The following BEND6 variants were observed in gnomAD, a reference collection of about 807,000 sequenced individuals.
BEND6 encodes BEN domain containing 6.
In BEND6, 24 loss-of-function variants were observed where a neutral mutation model predicts 31.8. That is an observed-to-expected ratio of 0.75 (90% confidence interval 0.55 to 1.06). The LOEUF is 1.06. BEND6 is among the 50% of genes least tolerant of loss of function. The pLI is 0.00. For synonymous variants in BEND6, 109 were observed against 114.6 expected (o/e 0.95, Z 0.31); for missense variants, 294 against 327.4 (o/e 0.90, Z 0.79).
At position 57,005,310 on chromosome 6, in the gene BEND6, T is replaced by C. The variant is rs553555175; in HGVS notation, c.299-9823T>C. Among the ~76,000 whole-genome samples, 27 of 152,212 alleles carry C rather than the reference T, an allele frequency of 1.8e-4. 1 individual carries two copies. In the South Asian group the frequency reaches 5.4e-3, roughly 30 times the overall value. ...ATTATAAAATATCTACTAATTCCCC[T>C]AACAAAAAATGTGTACTCTCTGTGA... On this transcript the variant is annotated intron_variant, in intron 3 of 6. Transcript: ENST00000370746.
At chr6:56,964,393 A>G (rs959347227) in intron 1 of BEND6, among the ~76,000 whole-genome samples, 6 of 152,190 alleles carry the variant, frequency 3.9e-5, no homozygotes, top group Non-Finnish European at 5.9e-5. Flanking sequence ...ACATTTGCCC[A>G]AGGTTCTGTG....
chr6:57,023,057 G>A (rs1489806800), intron 6 of BEND6, among the ~76,000 whole-genome samples: 1 of 152,112 alleles, frequency 6.6e-6, no homozygotes, highest in African/African-American at 2.4e-5. Context: ...GCCTATTCTG[G>A]AGAACGTGCC....
At chr6:56,958,906 G>A (rs1445147430) in intron 1 of BEND6, among the ~76,000 whole-genome samples, 1 of 152,188 alleles carries the variant, frequency 6.6e-6, no homozygotes, top group Non-Finnish European at 1.5e-5. Context: ...TTAATGAGTT[G>A]AGGGGGGAAT....
intron 5 of BEND6, 50 bp downstream of exon 5, chr6:57,017,449 C>T (rs764961060): frequency 8.0e-7 from 1 of 1,246,482 alleles, no homozygotes. Flanking sequence ...AATCATGTTA[C>T]CACTCAAGGT....
chr6:56,973,226 ATC>A (rs1309233217), intron 1 of BEND6, among the ~76,000 whole-genome samples: 13 of 152,216 alleles, frequency 8.5e-5, no homozygotes, highest in Non-Finnish European at 1.3e-4. Context: ...AGATTCTGAC[ATC>A]TGTTACCATC....
At chr6:56,976,118 C>A (rs1825863916) in intron 1 of BEND6, 2 of 248,852 alleles carry the variant, frequency 8.0e-6, no homozygotes, top group Non-Finnish European at 8.1e-6. Flanking sequence ...CACCTGGAAA[C>A]AATTATTTAA....
chr6:56,979,604 C>T (rs892546383), intron 1 of BEND6, among the ~76,000 whole-genome samples: 3 of 152,046 alleles, frequency 2.0e-5, no homozygotes, highest in Admixed American at 6.5e-5. Context: ...AACTCTGAAC[C>T]CCAATTAAGC....
At chr6:56,994,101 C>G (rs1826609883) in intron 3 of BEND6, among the ~76,000 whole-genome samples, 1 of 152,136 alleles carries the variant, frequency 6.6e-6, no homozygotes, top group South Asian at 2.1e-4. Flanking sequence ...TTTATATAAT[C>G]TCTTCCAGAA....
intron 3 of BEND6, among the ~76,000 whole-genome samples, chr6:56,994,598 G>A (rs578058648): frequency 2.0e-5 from 3 of 150,838 alleles, no homozygotes; most frequent in African/African-American, 7.3e-5. Flanking sequence ...CATCCAAAAA[G>A]CAGAGGAAGG....
intron 3 of BEND6, among the ~76,000 whole-genome samples, chr6:57,002,672 A>G (rs1826988459): frequency 6.6e-6 from 1 of 152,188 alleles, no homozygotes; most frequent in Non-Finnish European, 1.5e-5. Flanking sequence ...TAATGAATAT[A>G]GAAATATAAC....
chr6:57,023,062 C>T (rs1195625822), intron 6 of BEND6, among the ~76,000 whole-genome samples: 2 of 152,092 alleles, frequency 1.3e-5, no homozygotes, highest in African/African-American at 2.4e-5. Context: ...TTCTGGAGAA[C>T]GTGCCATGTG....
At chr6:56,968,902 C>T (rs554641244) in intron 1 of BEND6, among the ~76,000 whole-genome samples, 1 of 151,854 alleles carries the variant, frequency 6.6e-6, no homozygotes, top group Admixed American at 6.6e-5. Context: ...GGTGAAACCC[C>T]GTCTCTAATA....
intron 1 of BEND6, among the ~76,000 whole-genome samples, chr6:56,964,163 A>G (rs536729055): frequency 1.3e-5 from 2 of 152,060 alleles, no homozygotes; most frequent in East Asian, 1.9e-4. Context: ...GGTAGTAAGT[A>G]TTGGAGCTAG....
At chr6:57,019,385 T>C (rs757934604) in intron 6 of BEND6, among the ~76,000 whole-genome samples, 12 of 152,340 alleles carry the variant, frequency 7.9e-5, no homozygotes, top group Middle Eastern at 3.4e-3. Context: ...AATAGAGGCA[T>C]GTGGGTAACA....
At chr6:56,963,082 G>T (rs1018194691) in intron 1 of BEND6, among the ~76,000 whole-genome samples, 9 of 152,132 alleles carry the variant, frequency 5.9e-5, no homozygotes, top group African/African-American at 2.2e-4. Context: ...CTAACAAGCG[G>T]CATCAAAATT....
At chr6:56,967,703 A>G (rs937323463) in intron 1 of BEND6, among the ~76,000 whole-genome samples, 19 of 152,228 alleles carry the variant, frequency 1.2e-4, no homozygotes, top group Admixed American at 6.5e-5. Flanking sequence ...ATGGTACTAC[A>G]GGGCAAACTT....
At chr6:56,991,609 C>G (rs749037289) in intron 2 of BEND6, among the ~76,000 whole-genome samples, 2 of 152,074 alleles carry the variant, frequency 1.3e-5, no homozygotes, top group Non-Finnish European at 2.9e-5. Context: ...GATCCACCCT[C>G]CTTGGTCTCC....
chr6:57,011,426 T>G (rs1234415828), intron 3 of BEND6, among the ~76,000 whole-genome samples: 2 of 151,944 alleles, frequency 1.3e-5, no homozygotes, highest in Non-Finnish European at 2.9e-5. Flanking sequence ...TATCAAAGCT[T>G]TGTTTGTAAT....
intron 3 of BEND6, 27 bp from the exon 4 acceptor site, chr6:57,015,106 A>G: frequency 1.3e-6 from 2 of 1,586,900 alleles, no homozygotes; most frequent in Non-Finnish European, 1.7e-6. Context: ...TGGTATTTGT[A>G]AAGTGTACTT....
Sources: allele counts gnomAD v4.1 joint callset (sites outside exome capture counted in the v4.1 genomes callset), GRCh38; gene constraint gnomAD v4.1.1; transcripts MANE v1.5; gene names NCBI Gene and HGNC (gene_info 2026-07-23, HGNC 2026-07-21).